Variants in PRSS23 observed in about 807,000 individuals in gnomAD.
PRSS23 encodes the protein serine protease 23.
PRSS23 carries 25 observed loss-of-function variants against 34.7 expected under a neutral mutation model. The ratio of observed to expected loss-of-function variants is 0.72; its 90% CI spans 0.53 to 1.01. PRSS23 has a LOEUF of 1.01. PRSS23 is among the 50% of genes least tolerant of loss of function. The pLI is 0.00. For synonymous variants in PRSS23, 176 were observed against 186.6 expected (o/e 0.94, Z 0.46); for missense variants, 445 against 475.6 (o/e 0.94, Z 0.60).
chr11:86,882,873 T>C (rs1429926489), intron 2 of PRSS23, among the ~76,000 whole-genome samples: 1 of 152,230 alleles, frequency 6.6e-6, no homozygotes, highest in Non-Finnish European at 1.5e-5. Flanking sequence ...TGTTATTTTT[T>C]CACTTTTTAA....
chr11:86,835,167 G>A (rs545894097), intron 2 of PRSS23, among the ~76,000 whole-genome samples: 10 of 152,208 alleles, frequency 6.6e-5, no homozygotes, highest in Non-Finnish European at 1.5e-4. Context: ...GTAAACAGTT[G>A]TCTGACAGCC....
At chr11:86,838,013 G>T (rs1211178856) in intron 2 of PRSS23, among the ~76,000 whole-genome samples, 1 of 151,976 alleles carries the variant, frequency 6.6e-6, no homozygotes, top group African/African-American at 2.4e-5. Flanking sequence ...GGGGTCAGCA[G>T]ATTTCCCTTT....
chr11:86,939,426 A>ATT, intron 2 of PRSS23, among the ~76,000 whole-genome samples: 99 of 94,058 alleles, frequency 1.1e-3, no homozygotes, highest in African/African-American at 2.7e-3. Flanking sequence ...ATATATATAT[A>ATT]TTTTTTAACA....
intron 2 of PRSS23, among the ~76,000 whole-genome samples, chr11:86,836,197 C>T (rs1948404209): frequency 6.6e-6 from 1 of 152,114 alleles, no homozygotes; most frequent in Non-Finnish European, 1.5e-5. Context: ...TTGCACTAAC[C>T]TCCACTGTCC....
At chr11:86,910,557 TTA>T (rs1175080864) in intron 2 of PRSS23, 1 of 152,178 alleles carries the variant, frequency 6.6e-6, no homozygotes, top group Non-Finnish European at 1.5e-5. Flanking sequence ...TGCAAAGTAT[TTA>T]TATCCTTAAC....
At position 86,819,803 on chromosome 11, in the gene PRSS23, A is replaced by G. The variant is rs1347990267; in HGVS notation, c.-11-3574A>G. Among the ~76,000 whole-genome samples, 3 of 152,216 alleles carry G rather than the reference A, an allele frequency of 2.0e-5. No individual in the cohort carries two copies. In the East Asian group the frequency reaches 5.8e-4, roughly 29 times the overall value. On this transcript the variant is annotated intron_variant, in intron 1 of 2. Coordinates refer to the PRSS23 transcript ENST00000533902. ...CTTCATTTCACAATAACTCTTTTAA[A>G]TATAAAAAGTTCCTCATGTTTGTTA...
At chr11:86,872,218 G>A (rs1948689723) in intron 2 of PRSS23, among the ~76,000 whole-genome samples, 1 of 152,110 alleles carries the variant, frequency 6.6e-6, no homozygotes, top group Non-Finnish European at 1.5e-5. Context: ...TATATAATGT[G>A]TTATTATTTC....
intron 2 of PRSS23, among the ~76,000 whole-genome samples, chr11:86,851,810 A>G (rs1271102866): frequency 6.6e-6 from 1 of 152,154 alleles, no homozygotes; most frequent in Non-Finnish European, 1.5e-5. Context: ...TTTTATCCTC[A>G]TCATCACCTT....
chr11:86,835,804 A>G (rs1162017465), intron 2 of PRSS23, among the ~76,000 whole-genome samples: 1 of 152,266 alleles, frequency 6.6e-6, no homozygotes, highest in African/African-American at 2.4e-5. Context: ...GGTAGTGAGG[A>G]AATTTAAGAG....
Position 86,884,482 on chromosome 11 carries a change from T to C in PRSS23, c.206+60889T>C, listed in dbSNP as rs1484237397. On this transcript the variant is annotated intron_variant, in intron 2 of 2. Coordinates refer to the PRSS23 transcript ENST00000533902. ...ACTCAACTAATTTTTGTATTTTTAG[T>C]AGAGACGGGGTTTCTCCATGCTGGC... Among the ~76,000 whole-genome samples the C allele has an allele frequency of 3.3e-5, 5 of 152,164 alleles. No individual in the cohort carries two copies. The East Asian group carries it at 9.6e-4, about 29-fold the overall frequency.
intron 2 of PRSS23, among the ~76,000 whole-genome samples, chr11:86,834,897 A>T (rs1273717390): frequency 6.6e-6 from 1 of 152,164 alleles, no homozygotes; most frequent in Non-Finnish European, 1.5e-5. Flanking sequence ...CAAGTATTCC[A>T]TTATCACTGA....
At chr11:86,891,304 T>C (rs969099039) in intron 2 of PRSS23, among the ~76,000 whole-genome samples, 1 of 152,218 alleles carries the variant, frequency 6.6e-6, no homozygotes, top group African/African-American at 2.4e-5. Flanking sequence ...CACATTCTGA[T>C]GGTTTTATTG....
At chr11:86,868,741 G>A (rs1948666649) in intron 2 of PRSS23, among the ~76,000 whole-genome samples, 1 of 152,156 alleles carries the variant, frequency 6.6e-6, no homozygotes, top group Admixed American at 6.5e-5. Context: ...ATAGAGGGAA[G>A]CAAAGCACTT....
In PRSS23 at chr11:86,833,387, G is replaced by C. The variant is rs56020143; in HGVS notation, c.206+9794G>C. The C allele has an allele frequency of 1.4e-4, 94 of 686,222 alleles. No individual in the cohort carries two copies. In the Admixed American group the frequency reaches 1.6e-3, roughly 12 times the overall value. The allele number at this position is 686,222 out of a possible 1,614,324, so 42.5% of individuals were successfully genotyped here. On this transcript the variant is annotated intron_variant, in intron 2 of 2. Transcript: ENST00000533902. ...AACAGGAACAGCCCAGCGAGGGCCA[G>C]CTGCAGTTTTGGATCCTCTGAGAGT...
intron 1 of PRSS23, among the ~76,000 whole-genome samples, chr11:86,801,365 C>G (rs760717903): frequency 3.2e-4 from 48 of 152,204 alleles, no homozygotes; most frequent in Non-Finnish European, 6.0e-4. Flanking sequence ...AGGAACACCA[C>G]CACTCCTCTC....
intron 2 of PRSS23, among the ~76,000 whole-genome samples, chr11:86,885,063 C>T (rs1948793680): frequency 6.6e-6 from 1 of 152,162 alleles, no homozygotes; most frequent in South Asian, 2.1e-4. Context: ...GAAGACAGGA[C>T]ATTTATTTTA....
intron 2 of PRSS23, among the ~76,000 whole-genome samples, chr11:86,944,800 T>C (rs1949229839): frequency 6.6e-6 from 1 of 152,232 alleles, no homozygotes; most frequent in Non-Finnish European, 1.5e-5. Context: ...CATACCTGCC[T>C]TCATTTAGGG....
intron 2 of PRSS23, among the ~76,000 whole-genome samples, chr11:86,870,285 G>A (rs1035357916): frequency 6.6e-6 from 1 of 151,552 alleles, no homozygotes; most frequent in Non-Finnish European, 1.5e-5. Flanking sequence ...ACCTACCAGA[G>A]CTGAAAGTCT....
At chr11:86,948,368 T>A (rs1565395620) in intron 2 of PRSS23, 1 of 152,004 alleles carries the variant, frequency 6.6e-6, no homozygotes, top group East Asian at 1.9e-4. Flanking sequence ...TTTACTACAG[T>A]CGGCACTCAA....
Sources: gnomAD v4.1 joint callset for allele counts (sites outside exome capture counted in the v4.1 genomes callset) on GRCh38, gnomAD v4.1.1 for gene constraint, MANE v1.5 for transcripts, NCBI Gene and HGNC (gene_info 2026-07-23, HGNC 2026-07-21) for gene names.